SLC39A14: variants seen among roughly 807,000 people sequenced by gnomAD.
SLC39A14 encodes the protein metal cation symporter ZIP14.
SLC39A14 carries 19 observed loss-of-function variants against 45.5 expected under a neutral mutation model. The ratio of observed to expected loss-of-function variants is 0.42; its 90% CI spans 0.29 to 0.61. SLC39A14 has a LOEUF of 0.61. Ranked by LOEUF, SLC39A14 falls within the 20% of genes least tolerant of loss-of-function variation. The pLI is 0.22. For missense variants in SLC39A14, 447 were observed against 616.5 expected, an observed-to-expected ratio of 0.73 and a Z score of 2.91; for synonymous variants, 264 against 251.3, an observed-to-expected ratio of 1.05 and a Z score of -0.48.
At chr8:22,405,057 C>T (rs1835133612) in intron 2 of SLC39A14, 77 bp downstream of exon 2, 2 of 1,438,598 alleles carry the variant, frequency 1.4e-6, no homozygotes, top group Non-Finnish European at 9.5e-7. Flanking sequence ...TAGTTGGGCC[C>T]AGGGCAGCCT....
chr8:22,420,897 T>G lies in SLC39A14; in HGVS notation c.*1199T>G. Reference sequence around the variant, plus strand: ...TGACCCGTCTAGGTTACTGCTTCCTTGCAAAAAAAGTCGAATCCTGCATTG... The same window carrying G: ...TGACCCGTCTAGGTTACTGCTTCCTGGCAAAAAAAGTCGAATCCTGCATTG... On this transcript the variant is annotated 3_prime_UTR_variant, in exon 9 of 9. Coordinates refer to ENST00000381237, the MANE Select transcript of SLC39A14 (RefSeq NM_001128431.4). The G allele has an allele frequency of 1.0e-6, 1 of 985,596 alleles. No homozygotes were observed. The highest frequency in any genetic ancestry group is 1.2e-6 in the Non-Finnish European group (1 of 829,916). 61.1% of individuals were successfully genotyped at this position (985,596 alleles called of 1,614,324 possible).
At chr8:22,390,491 A>G (rs1834010535) in intron 1 of SLC39A14, 3 of 152,064 alleles carry the variant, frequency 2.0e-5, no homozygotes, top group Admixed American at 2.0e-4. Flanking sequence ...CTTTTAGTAG[A>G]GATGGGGTTT....
rs1484953320 is a variant in SLC39A14, at chr8:22,422,429, G to C, written c.*2731G>C. ...TCTGTTTGGGTAGCGTAAGAGCTGA[G>C]TATAGTAAGTCCTCTTCCAAAGAGA... On this transcript the variant is annotated 3_prime_UTR_variant, in exon 9 of 9. Transcript: ENST00000381237. The C allele has an allele frequency of 2.0e-6, 2 of 985,748 alleles. No individual in the cohort carries two copies. Among genetic ancestry groups the C allele is most frequent in the East Asian group, 2.3e-4 (2 of 8,826 alleles). The allele number at this position is 985,748 out of a possible 1,614,324, so 61.1% of individuals were successfully genotyped here.
chr8:22,429,490 G>T (rs1002203944), intron 8 of SLC39A14, among the ~76,000 whole-genome samples: 3 of 152,326 alleles, frequency 2.0e-5, no homozygotes, highest in African/African-American at 4.8e-5. Flanking sequence ...AGAAATTAAA[G>T]CTCTGTACTA....
chr8:22,415,209 A>G (rs1835801953), intron 5 of SLC39A14: 1 of 318,904 alleles, frequency 3.1e-6, no homozygotes. Flanking sequence ...AGAGCTTGAT[A>G]CCATGCATTC....
At chr8:22,394,327 C>CTTT (rs139730659) in intron 1 of SLC39A14, among the ~76,000 whole-genome samples, 1 of 132,076 alleles carries the variant, frequency 7.6e-6, no homozygotes, top group African/African-American at 2.8e-5. Context: ...TTTATTATGT[C>CTTT]TTTTTTTTTT....
intron 1 of SLC39A14, among the ~76,000 whole-genome samples, chr8:22,371,945 A>G (rs907814326): frequency 6.6e-6 from 1 of 151,324 alleles, no homozygotes; most frequent in Non-Finnish European, 1.5e-5. Flanking sequence ...AGGTTTCACC[A>G]TGTTGGCCAG....
intron 1 of SLC39A14, among the ~76,000 whole-genome samples, chr8:22,389,066 G>A (rs533975832): frequency 1.4e-4 from 21 of 152,300 alleles, no homozygotes; most frequent in African/African-American, 4.3e-4. Context: ...GAGCAGCGGC[G>A]CTTCTTACCT....
intron 5 of SLC39A14, 54 bp downstream of exon 5, chr8:22,414,956 A>G: frequency 6.3e-7 from 1 of 1,593,512 alleles, no homozygotes; most frequent in Non-Finnish European, 8.5e-7. Context: ...ACCCATCTCA[A>G]ACAATGTTGA....
chr8:22,413,768 G>T (rs530744155), intron 4 of SLC39A14, among the ~76,000 whole-genome samples: 3 of 151,978 alleles, frequency 2.0e-5, no homozygotes, highest in Admixed American at 2.0e-4. Context: ...GGAGCAAGTC[G>T]TTAGATACTT....
intron 8 of SLC39A14, among the ~76,000 whole-genome samples, chr8:22,429,529 T>C (rs1475256633): frequency 6.6e-6 from 1 of 152,236 alleles, no homozygotes; most frequent in Non-Finnish European, 1.5e-5. Context: ...TTCTTTGGAT[T>C]CCTTTGAGAA....
intron 8 of SLC39A14, among the ~76,000 whole-genome samples, chr8:22,432,102 G>T (rs1324602574): frequency 6.6e-6 from 1 of 152,164 alleles, no homozygotes; most frequent in Admixed American, 6.5e-5. Flanking sequence ...AGGCCAAGGT[G>T]GGAGGATCGC....
At chr8:22,394,294 T>C (rs6558033) in intron 1 of SLC39A14, among the ~76,000 whole-genome samples, 86,225 of 150,460 alleles carry the variant, frequency 0.57, 25,968 homozygotes, top group East Asian at 0.77. Context: ...CATGAGCCAC[T>C]GTGCCCAGCC....
At position 22,408,474 on chromosome 8, in the gene SLC39A14, G is replaced by A. The variant is rs1430965299; in HGVS notation, c.435G>A (p.Glu145=). 4 of 1,613,792 alleles carry A rather than the reference G, an allele frequency of 2.5e-6. No homozygotes were observed. The highest frequency in any genetic ancestry group is 3.4e-6 in the Non-Finnish European group (4 of 1,179,950). Residue 145 remains glutamate, a synonymous_variant, in exon 3 of 9, where the codon GAG becomes GAA. Coordinates refer to ENST00000381237, the MANE Select transcript of SLC39A14 (RefSeq NM_001128431.4). ...ACGAGGAGAATGAGCAGACGGAGGA[G>A]GGGCGGCCAAGCGCTGTTGAAGGTG... ...QENEENEQTE[E]GRPSAVEVWG...
chr8:22,370,954 C>T (rs1832893745), intron 1 of SLC39A14, among the ~76,000 whole-genome samples: 1 of 152,162 alleles, frequency 6.6e-6, no homozygotes, highest in Admixed American at 6.5e-5. Context: ...GGGCTTCATG[C>T]CCACCTAGGG....
At chr8:22,370,811 G>A (rs950099421) in intron 1 of SLC39A14, among the ~76,000 whole-genome samples, 2 of 152,284 alleles carry the variant, frequency 1.3e-5, no homozygotes, top group East Asian at 3.9e-4. Flanking sequence ...AGCAGGGAAG[G>A]GACCTGCTGC....
chr8:22,422,807 G>A, downstream of SLC39A14: 4 of 672,146 alleles, frequency 6.0e-6, no homozygotes, highest in Non-Finnish European at 7.3e-6. Flanking sequence ...ACATTTGACT[G>A]GGATTTTAGA....
chr8:22,398,829 T>C (rs1416879646), intron 1 of SLC39A14: 1 of 844,674 alleles, frequency 1.2e-6, no homozygotes, highest in Non-Finnish European at 1.4e-6. Context: ...GGCCTCTGGA[T>C]GGTAAGGCAA....
At position 22,421,422 on chromosome 8, in the gene SLC39A14, A is replaced by G. The variant is rs1836222518; in HGVS notation, c.*1724A>G. On this transcript the variant is annotated 3_prime_UTR_variant, in exon 9 of 9. Coordinates refer to ENST00000381237, the MANE Select transcript of SLC39A14 (RefSeq NM_001128431.4). ...TTATCTTGCCTGTTGGCTTCAATAC[A>G]TTTGAGAATACGCTGAAGAGGGAAA... 1.0e-6 allele frequency: 1 copy of G among 985,870 alleles called. No homozygotes were observed. Among genetic ancestry groups the G allele is most frequent in the East Asian group, 1.1e-4 (1 of 8,820 alleles). The allele number at this position is 985,870 out of a possible 1,614,324, so 61.1% of individuals were successfully genotyped here.
Sources: allele counts gnomAD v4.1 joint callset (sites outside exome capture counted in the v4.1 genomes callset), GRCh38; gene constraint gnomAD v4.1.1; transcripts MANE v1.5; gene names NCBI Gene and HGNC (gene_info 2026-07-23, HGNC 2026-07-21).